The following NEK6 variants were observed in gnomAD, a reference collection of about 807,000 sequenced individuals.
NEK6 encodes the protein NIMA related kinase 6.
NEK6 carries 27 observed loss-of-function variants against 43.5 expected under a neutral mutation model. The ratio of observed to expected loss-of-function variants is 0.62; its 90% CI spans 0.46 to 0.86. The LOEUF (loss-of-function observed/expected upper bound fraction) is 0.86, where lower values mean the gene tolerates loss of function less well. NEK6 is among the 40% of genes least tolerant of loss of function. The pLI is 0.00. For synonymous variants in NEK6, 167 were observed against 164.1 expected (o/e 1.02, Z -0.14); for missense variants, 318 against 414.4 (o/e 0.77, Z 2.02).
intron 2 of NEK6, among the ~76,000 whole-genome samples, chr9:124,302,562 C>T (rs529422857): frequency 6.6e-6 from 1 of 152,374 alleles, no homozygotes; most frequent in African/African-American, 2.4e-5. Context: ...GCCTCTCGCT[C>T]TCTCTAGATA....
At chr9:124,332,362 C>A (rs770782068) in intron 7 of NEK6, among the ~76,000 whole-genome samples, 25 of 152,214 alleles carry the variant, frequency 1.6e-4, no homozygotes, top group Non-Finnish European at 3.2e-4. Context: ...CTGCAGAGGT[C>A]AGGGGGGGAC....
intron 7 of NEK6, among the ~76,000 whole-genome samples, chr9:124,336,355 G>A (rs1415482214): frequency 1.3e-5 from 2 of 152,170 alleles, no homozygotes; most frequent in Non-Finnish European, 2.9e-5. Context: ...TCTCAATCAT[G>A]CCAAGCTGTC....
Position 124,324,074 on chromosome 9 carries a change from C to T in NEK6, c.406-2256C>T, listed in dbSNP as rs942516196. Reference sequence around the variant, plus strand: ...CTGCCTGCTCCCGTTCCCTCCAACCCGGCTCAGGGGCCCTCACCTGCAGAG... The same window carrying T: ...CTGCCTGCTCCCGTTCCCTCCAACCTGGCTCAGGGGCCCTCACCTGCAGAG... On this transcript the variant is annotated intron_variant, in intron 5 of 9. Transcript: ENST00000320246. The surrounding 1 kb of genome is among the most constrained non-coding windows in gnomAD (Gnocchi z 5.3). Among the ~76,000 whole-genome samples, 30 of 152,326 alleles carry T rather than the reference C, an allele frequency of 2.0e-4. No homozygotes were observed. The highest frequency in any genetic ancestry group is 5.8e-4 in the African/African-American group (24 of 41,586).
intron 1 of NEK6, among the ~76,000 whole-genome samples, chr9:124,280,419 C>T (rs907289980): frequency 5.9e-5 from 9 of 152,252 alleles, no homozygotes; most frequent in African/African-American, 2.2e-4. Flanking sequence ...GAGACTGTCC[C>T]AGCCGAGCAC....
intron 1 of NEK6, 191 bp downstream of exon 1, chr9:124,258,276 G>A (rs1199174788): frequency 1.9e-5 from 19 of 984,940 alleles, no homozygotes; most frequent in Non-Finnish European, 2.2e-5. Flanking sequence ...CGGGCGGGCG[G>A]GGGCGGCGTG....
At chr9:124,317,564 G>A (rs1833879834) in intron 4 of NEK6, among the ~76,000 whole-genome samples, 1 of 152,166 alleles carries the variant, frequency 6.6e-6, no homozygotes, top group African/African-American at 2.4e-5. Flanking sequence ...GGGTACACAT[G>A]CAGGTTTGTT....
chr9:124,295,565 G>A (rs1474243608), intron 1 of NEK6, among the ~76,000 whole-genome samples: 3 of 152,180 alleles, frequency 2.0e-5, no homozygotes, highest in Admixed American at 6.5e-5. Flanking sequence ...TCTGCCTGCC[G>A]CCTGCTGTGT....
intron 1 of NEK6, among the ~76,000 whole-genome samples, chr9:124,276,724 T>C (rs1391723593): frequency 1.3e-5 from 2 of 152,254 alleles, no homozygotes; most frequent in Non-Finnish European, 2.9e-5. Context: ...CCTCCTCCTA[T>C]TGCTATTGTG....
chr9:124,315,524 C>T (rs906023881), intron 4 of NEK6, among the ~76,000 whole-genome samples: 1 of 152,202 alleles, frequency 6.6e-6, no homozygotes, highest in Non-Finnish European at 1.5e-5. Flanking sequence ...CAAAAAATAT[C>T]CCTCGAAAAC....
At chr9:124,293,046 G>T (rs775536345) in intron 1 of NEK6, 2 of 1,468,854 alleles carry the variant, frequency 1.4e-6, no homozygotes, top group Non-Finnish European at 9.1e-7. Flanking sequence ...GGCAGGCAGG[G>T]GTCTCTGGGA....
intron 8 of NEK6, among the ~76,000 whole-genome samples, chr9:124,347,098 G>A (rs192038516): frequency 9.7e-4 from 147 of 152,328 alleles, no homozygotes; most frequent in Non-Finnish European, 1.8e-3. Flanking sequence ...ATGCTGCTGC[G>A]CACCTCTATC....
At chr9:124,331,343 T>G (rs1050048052) in intron 7 of NEK6, among the ~76,000 whole-genome samples, 1 of 151,860 alleles carries the variant, frequency 6.6e-6, no homozygotes, top group Non-Finnish European at 1.5e-5. Flanking sequence ...TTTTACAGAT[T>G]AGGAAACTGA....
At chr9:124,261,794 T>A (rs915138326) in intron 1 of NEK6, among the ~76,000 whole-genome samples, 1 of 152,212 alleles carries the variant, frequency 6.6e-6, no homozygotes, top group Non-Finnish European at 1.5e-5. Flanking sequence ...GTTCTGCAAA[T>A]TGACGAACAT....
chr9:124,314,402 T>C (rs997091257), intron 4 of NEK6, among the ~76,000 whole-genome samples: 1 of 152,058 alleles, frequency 6.6e-6, no homozygotes, highest in Admixed American at 6.6e-5. Flanking sequence ...TCTATGTCTG[T>C]CTCCCTGTTT....
chr9:124,322,531 C>G (rs1029776168), intron 5 of NEK6, among the ~76,000 whole-genome samples: 3 of 152,214 alleles, frequency 2.0e-5, no homozygotes, highest in Non-Finnish European at 4.4e-5. Context: ...CCCAAGGCAC[C>G]TCAGCCTCTA....
intron 1 of NEK6, among the ~76,000 whole-genome samples, chr9:124,276,490 T>C (rs1037769007): frequency 3.3e-5 from 5 of 152,124 alleles, no homozygotes; most frequent in African/African-American, 1.2e-4. Context: ...AGAAAAATCA[T>C]GAAGCAATAA....
intron 8 of NEK6, among the ~76,000 whole-genome samples, chr9:124,340,271 T>G (rs1289881844): frequency 6.6e-6 from 1 of 152,120 alleles, no homozygotes; most frequent in Admixed American, 6.5e-5. Context: ...TAAGAATAAA[T>G]GGAAGCCCCC....
chr9:124,332,718 C>T (rs1588528953), intron 7 of NEK6, among the ~76,000 whole-genome samples: 5 of 152,198 alleles, frequency 3.3e-5, no homozygotes, highest in Admixed American at 2.6e-4. Context: ...TTTCAAAACA[C>T]GGCAAAGTTT....
intron 1 of NEK6, among the ~76,000 whole-genome samples, chr9:124,280,802 TC>T (rs1831870766): frequency 6.6e-6 from 1 of 152,206 alleles, no homozygotes; most frequent in South Asian, 2.1e-4. Flanking sequence ...TTCATTTTTT[TC>T]TTTTTTTGAG....
Sources: gnomAD v4.1 joint callset for allele counts (sites outside exome capture counted in the v4.1 genomes callset) on GRCh38, gnomAD v4.1.1 for gene constraint, Gnocchi (gnomAD v3.1) non-coding constraint, MANE v1.5 for transcripts, NCBI Gene and HGNC (gene_info 2026-07-23, HGNC 2026-07-21) for gene names.